Variants in LGR5 observed in about 807,000 individuals in gnomAD.
LGR5 encodes leucine-rich repeat-containing G protein-coupled receptor 5.
LGR5 carries 54 observed loss-of-function variants against 76.7 expected under a neutral mutation model. That is an observed-to-expected ratio of 0.70 (90% CI 0.57 to 0.88). The LOEUF is 0.88. LGR5 is among the 40% of genes least tolerant of loss of function. The pLI is 0.00. For synonymous variants in LGR5, 406 were observed against 421.9 expected (o/e 0.96, Z 0.46); for missense variants, 1,078 against 1,073.3 (o/e 1.00, Z -0.06).
intron 7 of LGR5, among the ~76,000 whole-genome samples, chr12:71,560,844 G>A (rs1243546373): frequency 6.6e-6 from 1 of 152,052 alleles, no homozygotes; most frequent in African/African-American, 2.4e-5. Context: ...TTTTGTGCAA[G>A]GGTCAGCTGT....
At chr12:71,511,863 A>C (rs2137317524) in intron 2 of LGR5, among the ~76,000 whole-genome samples, 1 of 152,012 alleles carries the variant, frequency 6.6e-6, no homozygotes, top group Admixed American at 6.5e-5. Flanking sequence ...TCCTATATTC[A>C]GCCAGTTTTC....
At chr12:71,481,290 C>T (rs1451075208) in intron 1 of LGR5, among the ~76,000 whole-genome samples, 1 of 152,106 alleles carries the variant, frequency 6.6e-6, no homozygotes, top group Non-Finnish European at 1.5e-5. Context: ...TGTTCCCCTC[C>T]CTGTGTCCAT....
intron 1 of LGR5, among the ~76,000 whole-genome samples, chr12:71,445,418 T>C (rs1363729679): frequency 6.6e-6 from 1 of 152,254 alleles, no homozygotes; most frequent in Non-Finnish European, 1.5e-5. Flanking sequence ...CCATGAGTTC[T>C]AGCCCACTGC....
chr12:71,516,396 C>T (rs555259253), intron 2 of LGR5, among the ~76,000 whole-genome samples: 8 of 152,192 alleles, frequency 5.3e-5, no homozygotes, highest in South Asian at 4.1e-4. Flanking sequence ...AGCCAGGCCC[C>T]CTCGCTTAAC....
intron 2 of LGR5, among the ~76,000 whole-genome samples, chr12:71,515,257 G>A (rs779449288): frequency 2.6e-4 from 40 of 152,270 alleles, no homozygotes; most frequent in Non-Finnish European, 4.0e-4. Context: ...AGCAACAAAA[G>A]CAAATTAATT....
At chr12:71,456,494 G>C (rs1872482335) in intron 1 of LGR5, among the ~76,000 whole-genome samples, 1 of 152,110 alleles carries the variant, frequency 6.6e-6, no homozygotes, top group African/African-American at 2.4e-5. Flanking sequence ...CCGCTTGGTT[G>C]GTTTGTTAAA....
chr12:71,586,142 C>T lies in LGR5; in HGVS notation c.*1408C>T, dbSNP rs149905089. 1.2e-3 allele frequency: 187 copies of T among 152,058 alleles called. 1 individual carries two copies. Among genetic ancestry groups the T allele is most frequent in the African/African-American group, 4.3e-3 (177 of 41,492 alleles). The allele number at this position is 152,058 out of a possible 1,614,324, so 9.4% of individuals were successfully genotyped here. On this transcript the variant is annotated 3_prime_UTR_variant, in exon 18 of 18. Coordinates refer to ENST00000266674, the MANE Select transcript of LGR5 (RefSeq NM_003667.4). ...AAGGACCATGATAATGATAATAAAC[C>T]TTGTACAGTGGCATATTCTTTGATT...
chr12:71,496,637 C>T (rs34129887), intron 1 of LGR5, among the ~76,000 whole-genome samples: 17,077 of 152,118 alleles, frequency 0.11, 1,086 homozygotes, highest in African/African-American at 0.16. Flanking sequence ...TTTAAGAATA[C>T]TTATAGCAGT....
intron 1 of LGR5, among the ~76,000 whole-genome samples, chr12:71,460,085 G>A (rs1426903521): frequency 1.3e-5 from 2 of 152,052 alleles, no homozygotes; most frequent in African/African-American, 4.8e-5. Flanking sequence ...TTCACAGAGA[G>A]GGTCATGTTT....
intron 3 of LGR5, among the ~76,000 whole-genome samples, chr12:71,533,339 G>A (rs1470496054): frequency 4.6e-5 from 7 of 151,842 alleles, no homozygotes; most frequent in Non-Finnish European, 8.8e-5. Flanking sequence ...GTGAGACTCC[G>A]TCTCAAAATA....
In LGR5 at chr12:71,500,431, T is replaced by C. The variant is rs568739469; in HGVS notation, c.213-4183T>C. 3.3e-5 allele frequency among the ~76,000 whole-genome samples: 5 copies of C among 151,980 alleles called. No individual in the cohort carries two copies. The South Asian group carries it at 1.0e-3, about 32-fold the overall frequency. ...TCAGTTAACTCCAAAATCCTGGGGA[T>C]GAAACTTAGACATCAACATTTTTTA... On this transcript the variant is annotated intron_variant, in intron 1 of 17. Coordinates refer to ENST00000266674, the MANE Select transcript of LGR5 (RefSeq NM_003667.4).
chr12:71,557,890 A>T lies in LGR5; in HGVS notation c.716+1200A>T, dbSNP rs1162741271. Among the ~76,000 whole-genome samples the T allele has an allele frequency of 2.6e-5, 4 of 152,200 alleles. No individual in the cohort carries two copies. The East Asian group carries it at 7.7e-4, about 29-fold the overall frequency. On this transcript the variant is annotated intron_variant, in intron 6 of 17. Transcript: ENST00000266674. ...CTGACCAGAACTGCAAAAGGAAAAGACCAAAGACCACTTCTCCTGTGCCCT... is the reference window on the plus strand; with the variant it reads ...CTGACCAGAACTGCAAAAGGAAAAGTCCAAAGACCACTTCTCCTGTGCCCT...
intron 11 of LGR5, among the ~76,000 whole-genome samples, chr12:71,570,300 C>A (rs1878546425): frequency 6.6e-6 from 1 of 152,070 alleles, no homozygotes; most frequent in Non-Finnish European, 1.5e-5. Context: ...TGCACATGTA[C>A]CCCAGAATTT....
intron 1 of LGR5, among the ~76,000 whole-genome samples, chr12:71,486,045 T>C (rs1410222068): frequency 6.6e-6 from 1 of 152,200 alleles, no homozygotes; most frequent in Admixed American, 6.5e-5. Flanking sequence ...ATTACAGGCG[T>C]GAGCCAGCAC....
At chr12:71,560,542 C>T (rs866221649) in intron 7 of LGR5, among the ~76,000 whole-genome samples, 3 of 152,090 alleles carry the variant, frequency 2.0e-5, no homozygotes, top group African/African-American at 4.8e-5. Flanking sequence ...CTGTAATCCC[C>T]GTGCTTTGGG....
At chr12:71,536,602 T>C (rs919856495) in intron 4 of LGR5, among the ~76,000 whole-genome samples, 4 of 152,212 alleles carry the variant, frequency 2.6e-5, no homozygotes, top group Non-Finnish European at 4.4e-5. Context: ...GGTATCTGTG[T>C]GGCAAAATTG....
At chr12:71,559,011 A>T (rs961254444) in intron 6 of LGR5, among the ~76,000 whole-genome samples, 1 of 152,218 alleles carries the variant, frequency 6.6e-6, no homozygotes, top group African/African-American at 2.4e-5. Flanking sequence ...AAGAAATTCT[A>T]GACCAAATGT....
In LGR5 at chr12:71,584,039, C is replaced by G; in HGVS notation, c.2029C>G (p.Pro677Ala). 6.2e-7 allele frequency: 1 copy of G among 1,614,182 alleles called. No individual in the cohort carries two copies. Among genetic ancestry groups the G allele is most frequent in the Non-Finnish European group, 8.5e-7 (1 of 1,180,042 alleles). Residue 677 changes from proline to alanine, a missense_variant, in exon 18 of 18, where the codon CCA becomes GCA. Physicochemically the swap from Pro to Ala is conservative, Grantham distance 27 (BLOSUM62 -1). Transcript: ENST00000266674. The part of the protein sequence containing the change: ...KYSAKFETKA[P>A]FSSLKVIILL... Reference sequence around the variant, plus strand: ...TTCTGCAAAATTTGAAACGAAAGCTCCATTTTCTAGCCTGAAAGTAATCAT... The same window carrying G: ...TTCTGCAAAATTTGAAACGAAAGCTGCATTTTCTAGCCTGAAAGTAATCAT...
rs528746967 is a variant in LGR5 at position 71,544,250 on chromosome 12, G to T, written c.429-8823G>T. Among the ~76,000 whole-genome samples the T allele has an allele frequency of 1.8e-3, 268 of 145,256 alleles. 6 individuals are homozygous for T. In the East Asian group the frequency reaches 0.038, roughly 21 times the overall value. ...TCTCCCCAACCTGGAGAGGGAGAAAGGGGAAATTCTTTTTTTTTTTTCTTT... is the reference window on the plus strand; with the variant it reads ...TCTCCCCAACCTGGAGAGGGAGAAATGGGAAATTCTTTTTTTTTTTTCTTT... On this transcript the variant is annotated intron_variant, in intron 4 of 17. Coordinates refer to ENST00000266674, the MANE Select transcript of LGR5 (RefSeq NM_003667.4).
Sources: gnomAD v4.1 joint callset for allele counts (sites outside exome capture counted in the v4.1 genomes callset) on GRCh38, gnomAD v4.1.1 for gene constraint, MANE v1.5 for transcripts, NCBI Gene and HGNC (gene_info 2026-07-23, HGNC 2026-07-21) for gene names.